Variants in MDGA1 observed in about 807,000 individuals in gnomAD.
MDGA1 encodes MAM domain-containing glycosylphosphatidylinositol anchor protein 1.
MDGA1 carries 54 observed loss-of-function variants against 101.5 expected under a neutral mutation model. That is an observed-to-expected ratio of 0.53 (90% CI 0.43 to 0.67). The LOEUF (loss-of-function observed/expected upper bound fraction) is 0.67, where lower values mean the gene tolerates loss of function less well. Among genes scored for constraint, MDGA1 ranks in the 30% least tolerant of loss-of-function variants. The pLI, the probability that MDGA1 is intolerant of heterozygous loss-of-function variation, is 0.00. For synonymous variants in MDGA1, 533 were observed against 558.3 expected, an observed-to-expected ratio of 0.95 and a Z score of 0.64; for missense variants, 1,083 against 1,323.8, an observed-to-expected ratio of 0.82 and a Z score of 2.82.
intron 1 of MDGA1, among the ~76,000 whole-genome samples, chr6:37,685,090 C>G (rs1244845680): frequency 1.3e-5 from 2 of 152,024 alleles, no homozygotes; most frequent in East Asian, 3.9e-4. Flanking sequence ...TTGCTTGAGC[C>G]CAGGAATTTG....
chr6:37,646,384 T>C lies in MDGA1; in HGVS notation c.2047-9A>G. The C allele has an allele frequency of 6.8e-7, 1 of 1,472,134 alleles. No homozygotes were observed. The highest frequency in any genetic ancestry group is 9.1e-7 in the Non-Finnish European group (1 of 1,104,784). 91.2% of individuals were successfully genotyped at this position (1,472,134 alleles called of 1,614,324 possible). The stretch of plus-strand genomic sequence containing the variant: ...GCATTGTGCTGGTTCAACTGTTAAG[T>C]ACAGAGAGTTCCCAGATGCCTAGGA... On this transcript the variant is annotated splice_polypyrimidine_tract_variant and intron_variant, in intron 10 of 16. Coordinates refer to ENST00000434837, the MANE Select transcript of MDGA1 (RefSeq NM_153487.4).
chr6:37,640,278 A>G (rs1764034589), intron 14 of MDGA1, among the ~76,000 whole-genome samples: 2 of 152,134 alleles, frequency 1.3e-5, no homozygotes, highest in Admixed American at 1.3e-4. Context: ...GCTGGAGTCT[A>G]TCCAGGCACT....
At chr6:37,664,808 A>G (rs958458744) in intron 1 of MDGA1, among the ~76,000 whole-genome samples, 2 of 127,658 alleles carry the variant, frequency 1.6e-5, no homozygotes, top group African/African-American at 3.0e-5. Context: ...AGCCCCAACC[A>G]TCTCAGGCTT....
At chr6:37,682,734 T>A (rs1304014504) in intron 1 of MDGA1, among the ~76,000 whole-genome samples, 7 of 152,222 alleles carry the variant, frequency 4.6e-5, no homozygotes, top group Admixed American at 3.9e-4. Context: ...TTCTCTGCTG[T>A]ATCCTCAGCA....
chr6:37,661,072 C>T (rs1380509024), intron 2 of MDGA1, among the ~76,000 whole-genome samples: 1 of 152,222 alleles, frequency 6.6e-6, no homozygotes, highest in African/African-American at 2.4e-5. Context: ...CTGTTCCCTG[C>T]AGTGAGTCTG....
intron 2 of MDGA1, among the ~76,000 whole-genome samples, chr6:37,663,262 A>C (rs1458915776): frequency 6.6e-6 from 1 of 152,134 alleles, no homozygotes; most frequent in African/African-American, 2.4e-5. Flanking sequence ...GACGGTGACA[A>C]AATTCATCTG....
intron 1 of MDGA1, among the ~76,000 whole-genome samples, chr6:37,665,687 C>A (rs1761733003): frequency 6.6e-6 from 1 of 152,214 alleles, no homozygotes; most frequent in African/African-American, 2.4e-5. Context: ...TGATAAAAGA[C>A]CAGCAACCAT....
At position 37,664,062 on chromosome 6, in the gene MDGA1, C is replaced by G; in HGVS notation, c.112G>C (p.Val38Leu). The G allele has an allele frequency of 1.9e-6, 3 of 1,613,860 alleles. No homozygotes were observed. Among genetic ancestry groups the G allele is most frequent in the Non-Finnish European group, 2.5e-6 (3 of 1,179,860 alleles). The change falls in exon 2 of 17, where the codon GTG becomes CTG. Residue 38 changes from valine to leucine, a missense_variant. Around this residue, in one of 3 missense-constraint regions of MDGA1, gnomAD observed 310 missense variants for 355.9 expected, o/e 0.87. Coordinates refer to ENST00000434837, the MANE Select transcript of MDGA1 (RefSeq NM_153487.4). ...CGCTCGCTGATATTGTCCTCTTTCA[C>G]CACACATGCCTGGCCCGCATGCACG... The part of the protein sequence containing the change: ...QIVHAGQACV[V>L]KEDNISERVY...
rs1229272509 is a variant in MDGA1, at chr6:37,646,305, T to A, written c.2117A>T (p.Tyr706Phe). ...RRVEKGQLLE[Y>F]ILTDLRVPHS... ...GGGCACACGGAGATCGGTCAGGATG[T>A]ACTCCAGCAGCTGCCCCTTCTCCAC... Residue 706 changes from tyrosine to phenylalanine, a missense_variant, in exon 11 of 17, where the codon TAC becomes TTC. By Grantham distance (22) the Tyr-to-Phe change is conservative. Transcript: ENST00000434837. 1 of 1,598,064 alleles carries A rather than the reference T, an allele frequency of 6.3e-7. No individual in the cohort carries two copies. Among genetic ancestry groups the A allele is most frequent in the Non-Finnish European group, 8.5e-7 (1 of 1,171,624 alleles).
In MDGA1 at chr6:37,643,801, C is replaced by G. The variant is rs373444813; in HGVS notation, c.2536+8G>C. The G allele has an allele frequency of 6.2e-7, 1 of 1,613,722 alleles. No individual in the cohort carries two copies. The highest frequency in any genetic ancestry group is 8.5e-7 in the Non-Finnish European group (1 of 1,179,792). On this transcript the variant is annotated splice_region_variant and intron_variant, in intron 14 of 16. Coordinates refer to ENST00000434837, the MANE Select transcript of MDGA1 (RefSeq NM_153487.4). ...ACTTGGTGGAGACTACCTGGCCCCC[C>G]AACTCACCGATGTGTTTCCCGTACA...
At chr6:37,647,143 C>A in intron 10 of MDGA1, 30 bp downstream of exon 10, 1 of 1,559,820 alleles carries the variant, frequency 6.4e-7, no homozygotes, top group South Asian at 1.3e-5. Context: ...ACTCCACCTG[C>A]CCCCAGGCCC....
chr6:37,655,306 A>G lies in MDGA1; in HGVS notation c.580-374T>C, dbSNP rs1761458427. 2.9e-6 allele frequency: 1 copy of G among 342,156 alleles called. No homozygotes were observed. The highest frequency in any genetic ancestry group is 4.6e-5 in the Admixed American group (1 of 21,920). 21.2% of individuals were successfully genotyped at this position (342,156 alleles called of 1,614,324 possible). On this transcript the variant is annotated intron_variant, in intron 4 of 16. Transcript: ENST00000434837. This position sits in a 1 kb window ranked among gnomAD's most constrained non-coding sequence, Gnocchi z 5.1. ...TGAAAGCCCTCCTTGGCAGAATGGCATCACCACCATCTCCTGGGACTATCA... is the reference window on the plus strand; with the variant it reads ...TGAAAGCCCTCCTTGGCAGAATGGCGTCACCACCATCTCCTGGGACTATCA...
In MDGA1 at chr6:37,648,998, G is replaced by A. The variant is rs576099522; in HGVS notation, c.1878C>T (p.Cys626=). Residue 626 remains cysteine, a synonymous_variant, in exon 9 of 17, where the codon TGC becomes TGT. Transcript: ENST00000434837. ...SVSNDVGSAA[C]LFQVSAKAYS... ...GACGCTCACCGGAGACCTGGAAGAG[G>A]CAGGCAGCCGAGCCCACATCGTTGG... 2.6e-6 allele frequency: 4 copies of A among 1,552,690 alleles called. No individual in the cohort carries two copies. The South Asian group carries it at 3.6e-5, about 14-fold the overall frequency.
intron 16 of MDGA1, 110 bp from the exon 17 acceptor site, chr6:37,637,569 C>T: frequency 1.1e-6 from 1 of 891,314 alleles, no homozygotes; most frequent in Non-Finnish European, 1.8e-6. Context: ...TTTGGAGGGC[C>T]TGAGGGTGGG....
intron 1 of MDGA1, among the ~76,000 whole-genome samples, chr6:37,676,763 G>GT (rs1761987519): frequency 1.3e-5 from 2 of 152,166 alleles, no homozygotes; most frequent in Non-Finnish European, 2.9e-5. Flanking sequence ...TGGGGGTGGT[G>GT]GCTTGTGCCT....
At chr6:37,645,256 C>T (rs571779673) in intron 12 of MDGA1, among the ~76,000 whole-genome samples, 3 of 152,054 alleles carry the variant, frequency 2.0e-5, no homozygotes, top group Non-Finnish European at 4.4e-5. Context: ...TAATTGAGGC[C>T]GGCATGGTGG....
chr6:37,682,251 G>A (rs953115654), intron 1 of MDGA1, among the ~76,000 whole-genome samples: 92 of 152,208 alleles, frequency 6.0e-4, no homozygotes, highest in Non-Finnish European at 1.9e-4. Context: ...TTGGGAGGCC[G>A]AGGTGGGCAG....
chr6:37,655,704 G>A lies in MDGA1; in HGVS notation c.575C>T (p.Thr192Ile), dbSNP rs370124284. 169 of 1,608,594 alleles carry A rather than the reference G, an allele frequency of 1.1e-4. No individual in the cohort carries two copies. The highest frequency in any genetic ancestry group is 1.3e-4 in the Non-Finnish European group (152 of 1,177,222). ...NGVDIYEPLY[T>I]QGETKVLKLK... ...GAGCCAGCTGCCCATCCTGACCTGA[G>A]TGTAGAGGGGCTCATAGATGTCAAC... The change falls in exon 4 of 17, where the codon ACT (threonine) becomes ATT (isoleucine). Residue 192 changes from threonine to isoleucine, a missense_variant. Transcript: ENST00000434837. This position sits in a 1 kb window ranked among gnomAD's most constrained non-coding sequence, Gnocchi z 5.1.
chr6:37,649,464 T>C (rs1761305578), intron 8 of MDGA1, among the ~76,000 whole-genome samples, 198 bp from the exon 9 acceptor site: 2 of 152,210 alleles, frequency 1.3e-5, no homozygotes. Context: ...CACTCCCTCC[T>C]GGCCATTCTC....
Sources: allele counts gnomAD v4.1 joint callset (sites outside exome capture counted in the v4.1 genomes callset), GRCh38; gene constraint gnomAD v4.1.1; regional missense constraint gnomAD v4.1.1; non-coding constraint Gnocchi (gnomAD v3.1); transcripts MANE v1.5; gene names NCBI Gene and HGNC (gene_info 2026-07-23, HGNC 2026-07-21).